The following DCC variants were observed in gnomAD, a reference collection of about 807,000 sequenced individuals.
DCC encodes netrin receptor DCC.
DCC carries 58 observed loss-of-function variants against 172.5 expected under a neutral mutation model. The observed-to-expected ratio is 0.34, with a 90% CI of 0.27 to 0.42. The LOEUF (loss-of-function observed/expected upper bound fraction) is 0.42. Ranked by LOEUF, DCC falls within the 10% of genes least tolerant of loss-of-function variation. DCC has a pLI of 1.00. For synonymous variants in DCC, 709 were observed against 644.5 expected, an observed-to-expected ratio of 1.10 and a Z score of -1.52; for missense variants, 1,740 against 1,791.0, an observed-to-expected ratio of 0.97 and a Z score of 0.51.
intron 7 of DCC, among the ~76,000 whole-genome samples, chr18:53,128,862 CACACACACATATATATATATATAT>C (rs1411522301): frequency 4.6e-4 from 37 of 81,098 alleles, no homozygotes; most frequent in South Asian, 1.9e-3. Flanking sequence ...CACACACACA[CACACACACATATATATATATATAT>C]ATATATATAT....
At chr18:52,813,378 A>AG (rs1301031646) in intron 2 of DCC, among the ~76,000 whole-genome samples, 1 of 152,124 alleles carries the variant, frequency 6.6e-6, no homozygotes, top group Non-Finnish European at 1.5e-5. Flanking sequence ...GTTTTTAGGG[A>AG]GGGGGAACAG....
intron 12 of DCC, among the ~76,000 whole-genome samples, chr18:53,272,698 T>C (rs930799510): frequency 6.6e-6 from 1 of 152,116 alleles, no homozygotes; most frequent in Non-Finnish European, 1.5e-5. Flanking sequence ...GCAATGTAAT[T>C]TCGTATATTT....
At chr18:52,618,052 A>G (rs1377490143) in intron 1 of DCC, among the ~76,000 whole-genome samples, 1 of 152,190 alleles carries the variant, frequency 6.6e-6, no homozygotes, top group Admixed American at 6.5e-5. Flanking sequence ...TTGCTATGTT[A>G]AATTAGAAGG....
chr18:52,641,394 G>A (rs12959103), intron 1 of DCC, among the ~76,000 whole-genome samples: 35,007 of 151,998 alleles, frequency 0.23, 4,628 homozygotes, highest in Middle Eastern at 0.34. Context: ...GTTTTTGCAC[G>A]GCAAAAGGAA....
chr18:53,053,204 G>C (rs914619316), intron 5 of DCC, among the ~76,000 whole-genome samples: 1 of 151,960 alleles, frequency 6.6e-6, no homozygotes, highest in Non-Finnish European at 1.5e-5. Context: ...AGGAAAACTT[G>C]GGGCTATTCA....
At chr18:52,497,279 AAATAT>A (rs2030809806) in intron 1 of DCC, among the ~76,000 whole-genome samples, 1 of 38,152 alleles carries the variant, frequency 2.6e-5, no homozygotes, top group African/African-American at 9.8e-5. Flanking sequence ...AAAAAAAAAA[AAATAT>A]ATATATATAT....
rs571521665 is a variant in DCC at position 52,616,907 on chromosome 18, C to A, written c.92-135147C>A. 5.3e-5 allele frequency among the ~76,000 whole-genome samples: 8 copies of A among 152,090 alleles called. No individual in the cohort carries two copies. In the East Asian group the frequency reaches 1.5e-3, roughly 29 times the overall value. Reference sequence around the variant, plus strand: ...CTGGGCTTATTTTTGGAGGTAAGGACAATACTGCAGAATGAGATGCATAAA... The same window carrying A: ...CTGGGCTTATTTTTGGAGGTAAGGAAAATACTGCAGAATGAGATGCATAAA... On this transcript the variant is annotated intron_variant, in intron 1 of 28. Transcript: ENST00000442544.
intron 1 of DCC, among the ~76,000 whole-genome samples, chr18:52,571,623 T>A (rs1192441867): frequency 6.6e-6 from 1 of 152,146 alleles, no homozygotes; most frequent in Non-Finnish European, 1.5e-5. Flanking sequence ...CTTGTTCCCA[T>A]CAGCGGTGCA....
intron 7 of DCC, among the ~76,000 whole-genome samples, chr18:53,138,042 G>C (rs2043773016): frequency 6.6e-6 from 1 of 151,554 alleles, no homozygotes; most frequent in Non-Finnish European, 1.5e-5. Context: ...TACCCAGGGT[G>C]GTCTTAAACT....
intron 1 of DCC, among the ~76,000 whole-genome samples, chr18:52,393,832 G>T (rs1380156217): frequency 6.6e-6 from 1 of 152,048 alleles, no homozygotes; most frequent in Non-Finnish European, 1.5e-5. Context: ...CAATTACCTA[G>T]ATTCTAATTT....
At chr18:53,112,275 T>A (rs1037979927) in intron 7 of DCC, among the ~76,000 whole-genome samples, 1 of 151,500 alleles carries the variant, frequency 6.6e-6, no homozygotes, top group African/African-American at 2.4e-5. Context: ...TCTCTTCTTA[T>A]AATACTAAAA....
At chr18:53,430,585 A>G (rs922798190) in intron 21 of DCC, among the ~76,000 whole-genome samples, 2 of 152,208 alleles carry the variant, frequency 1.3e-5, no homozygotes, top group African/African-American at 4.8e-5. Context: ...AGGATTTAAT[A>G]TAAACATTAA....
Position 53,207,793 on chromosome 18 carries a change from A to T in DCC, c.1837A>T (p.Ile613Leu). The change falls in exon 11 of 29, where the codon ATA (isoleucine) becomes TTA (leucine). Residue 613 changes from isoleucine (I) to leucine (L), a missense_variant. Physicochemically the swap from Ile to Leu is conservative, Grantham distance 5. Transcript: ENST00000442544. ...RYGPGVSTDD[I>L]TVVTLSDVPS... is the part of the protein sequence containing the mutation. Reference sequence around the variant, plus strand: ...TGGTCCGGGCGTCTCTACTGATGATATAACAGTGGTTACACTTTCTGACGG... The same window carrying T: ...TGGTCCGGGCGTCTCTACTGATGATTTAACAGTGGTTACACTTTCTGACGG... The T allele has an allele frequency of 6.2e-7, 1 of 1,612,752 alleles. No individual in the cohort carries two copies. Among genetic ancestry groups the T allele is most frequent in the Admixed American group, 1.7e-5 (1 of 60,030 alleles).
chr18:52,733,342 T>C (rs2036675390), intron 1 of DCC, among the ~76,000 whole-genome samples: 1 of 152,208 alleles, frequency 6.6e-6, no homozygotes, highest in African/African-American at 2.4e-5. Context: ...GTCAATACTT[T>C]GGTGATATTT....
chr18:53,489,835 TTTC>T (rs1307852396), intron 26 of DCC, among the ~76,000 whole-genome samples: 1 of 152,194 alleles, frequency 6.6e-6, no homozygotes, highest in African/African-American at 2.4e-5. Context: ...TGGACAAATA[TTTC>T]TTCTTCTTAA....
chr18:53,472,928 T>C (rs1343782028), intron 25 of DCC, among the ~76,000 whole-genome samples: 2 of 152,250 alleles, frequency 1.3e-5, no homozygotes, highest in African/African-American at 2.4e-5. Context: ...TATCCTTATA[T>C]GTACCCAGAC....
chr18:53,270,428 T>C (rs1216203412), intron 12 of DCC, among the ~76,000 whole-genome samples: 1 of 152,128 alleles, frequency 6.6e-6, no homozygotes, highest in African/African-American at 2.4e-5. Context: ...ATTCAAAATC[T>C]TTCTAAAAAC....
intron 21 of DCC, chr18:53,416,442 C>G: frequency 1.0e-5 from 6 of 576,008 alleles, no homozygotes; most frequent in Non-Finnish European, 1.9e-5. Context: ...TCTGTCTGCA[C>G]TTCTGAATAA....
chr18:53,104,889 G>C (rs1305333867), intron 7 of DCC, among the ~76,000 whole-genome samples: 1 of 152,008 alleles, frequency 6.6e-6, no homozygotes, highest in African/African-American at 2.4e-5. Flanking sequence ...GTCTCCTAGA[G>C]AGGTTCTATG....
Sources: allele counts gnomAD v4.1 joint callset (sites outside exome capture counted in the v4.1 genomes callset), GRCh38; gene constraint gnomAD v4.1.1; transcripts MANE v1.5; gene names NCBI Gene and HGNC (gene_info 2026-07-23, HGNC 2026-07-21).